Variants in ANXA10 observed in about 807,000 individuals in gnomAD.
ANXA10 encodes annexin A10, also known as annexin 14.
ANXA10 carries 49 observed loss-of-function variants against 53.5 expected under a neutral mutation model. That is an observed-to-expected ratio of 0.92 (90% confidence interval 0.73 to 1.16). The LOEUF is 1.16. ANXA10 is among the 50% of genes most tolerant of loss of function. The pLI is 0.00. For missense variants in ANXA10, 393 were observed against 394.4 expected, an observed-to-expected ratio of 1.00 and a Z score of 0.03; for synonymous variants, 131 against 128.9, an observed-to-expected ratio of 1.02 and a Z score of -0.11.
chr4:168,153,790 C>T (rs1191818847), intron 3 of ANXA10, among the ~76,000 whole-genome samples: 1 of 152,058 alleles, frequency 6.6e-6, no homozygotes, highest in Non-Finnish European at 1.5e-5. Context: ...GAAACAGACA[C>T]AAAGAAGTTA....
chr4:168,178,820 A>C (rs1371108005), intron 8 of ANXA10, among the ~76,000 whole-genome samples: 2 of 152,212 alleles, frequency 1.3e-5, no homozygotes. Context: ...CATCACAGAG[A>C]GGACTTTTAC....
At chr4:168,121,580 T>G (rs1730985804) in intron 1 of ANXA10, among the ~76,000 whole-genome samples, 1 of 152,126 alleles carries the variant, frequency 6.6e-6, no homozygotes, top group South Asian at 2.1e-4. Context: ...TCTCAAAAAT[T>G]TGATTAAAAA....
intron 1 of ANXA10, among the ~76,000 whole-genome samples, chr4:168,109,904 T>C (rs1730776517): frequency 6.6e-6 from 1 of 152,174 alleles, no homozygotes; most frequent in African/African-American, 2.4e-5. Flanking sequence ...CTCCTTACTA[T>C]AATGCATCAA....
chr4:168,096,579 G>A (rs1051591810), intron 1 of ANXA10, among the ~76,000 whole-genome samples: 9 of 152,050 alleles, frequency 5.9e-5, no homozygotes, highest in African/African-American at 2.2e-4. Flanking sequence ...TAGCGTAGTG[G>A]CTAAAGATAC....
At position 168,154,012 on chromosome 4, in the gene ANXA10, G is replaced by A. The variant is rs544068657; in HGVS notation, c.196-8516G>A. Among the ~76,000 whole-genome samples, 101 of 148,580 alleles carry A rather than the reference G, an allele frequency of 6.8e-4. 1 individual carries two copies. Among genetic ancestry groups the A allele is most frequent in the African/African-American group, 2.2e-3 (86 of 39,388 alleles). Reference sequence around the variant, plus strand: ...CACACACACACACACACGCACACACGCGCGCGCGCGTGCCTCTGAGTTGAA... The same window carrying A: ...CACACACACACACACACGCACACACACGCGCGCGCGTGCCTCTGAGTTGAA... On this transcript the variant is annotated intron_variant, in intron 3 of 11. Transcript: ENST00000359299.
intron 1 of ANXA10, among the ~76,000 whole-genome samples, chr4:168,122,468 C>T (rs1275898127): frequency 6.6e-6 from 1 of 152,140 alleles, no homozygotes; most frequent in Non-Finnish European, 1.5e-5. Context: ...GAGAGAATAC[C>T]TAGAACCGAA....
At chr4:168,092,765 T>C in intron 1 of ANXA10, 47 bp downstream of exon 1, 1 of 1,464,196 alleles carries the variant, frequency 6.8e-7, no homozygotes, top group Non-Finnish European at 9.1e-7. Context: ...CTTTTGAAAC[T>C]TGATTTATAA....
At chr4:168,153,125 G>A (rs2149474558) in intron 3 of ANXA10, among the ~76,000 whole-genome samples, 1 of 152,190 alleles carries the variant, frequency 6.6e-6, no homozygotes, top group East Asian at 1.9e-4. Flanking sequence ...ATGCACCACT[G>A]TGCCCAGCCA....
chr4:168,182,892 T>C (rs1578941858), intron 10 of ANXA10, among the ~76,000 whole-genome samples: 1 of 149,210 alleles, frequency 6.7e-6, no homozygotes, highest in Non-Finnish European at 1.5e-5. Flanking sequence ...CATCTGTAGT[T>C]CCAGCTACTC....
chr4:168,185,134 A>G (rs2149482881), intron 11 of ANXA10, among the ~76,000 whole-genome samples: 1 of 152,280 alleles, frequency 6.6e-6, no homozygotes, highest in Middle Eastern at 3.4e-3. Context: ...AGCCTGGGCA[A>G]CAGAGTGAGA....
chr4:168,124,773 A>C (rs1007779703), intron 1 of ANXA10, among the ~76,000 whole-genome samples: 3 of 152,190 alleles, frequency 2.0e-5, no homozygotes, highest in Non-Finnish European at 4.4e-5. Context: ...AGAGTACAAA[A>C]CAAATATTGA....
intron 11 of ANXA10, among the ~76,000 whole-genome samples, 157 bp downstream of exon 11, chr4:168,184,838 A>G (rs1443566575): frequency 2.0e-5 from 3 of 152,220 alleles, no homozygotes; most frequent in African/African-American, 7.2e-5. Context: ...TCTTTAGAAC[A>G]TCGGCAGGTG....
At chr4:168,137,433 C>A (rs950675225) in intron 2 of ANXA10, among the ~76,000 whole-genome samples, 1 of 152,136 alleles carries the variant, frequency 6.6e-6, no homozygotes, top group Non-Finnish European at 1.5e-5. Flanking sequence ...CCCTCTTCCA[C>A]CCTCTCACTG....
At chr4:168,137,674 C>A (rs898903449) in intron 2 of ANXA10, among the ~76,000 whole-genome samples, 1 of 152,138 alleles carries the variant, frequency 6.6e-6, no homozygotes, top group Non-Finnish European at 1.5e-5. Flanking sequence ...TTTTCTTTAT[C>A]CAATCATCTG....
chr4:168,154,639 CA>C (rs1482581481), intron 3 of ANXA10, among the ~76,000 whole-genome samples: 1 of 152,116 alleles, frequency 6.6e-6, no homozygotes, highest in Non-Finnish European at 1.5e-5. Context: ...CATTTGCATT[CA>C]AACCTTCAAC....
Position 168,115,332 on chromosome 4 carries a change from A to C in ANXA10, c.19-12752A>C, listed in dbSNP as rs949225894. Among the ~76,000 whole-genome samples, 8 of 152,264 alleles carry C rather than the reference A, an allele frequency of 5.3e-5. No homozygotes were observed. In the East Asian group the frequency reaches 1.5e-3, roughly 29 times the overall value. On this transcript the variant is annotated intron_variant, in intron 1 of 11. Coordinates refer to ENST00000359299, the MANE Select transcript of ANXA10 (RefSeq NM_007193.5). The stretch of plus-strand genomic sequence containing the variant: ...CTAAAATCTATTCCAACTCACCTCT[A>C]TTGAAAGTTCATGACAACAGATGGG...
chr4:168,140,732 C>T (rs914127942), intron 3 of ANXA10, among the ~76,000 whole-genome samples: 2 of 152,090 alleles, frequency 1.3e-5, no homozygotes, highest in Non-Finnish European at 2.9e-5. Context: ...GATGCCCCTG[C>T]CTCAGCCTCC....
In ANXA10 at chr4:168,181,756, T is replaced by C. The variant is rs1389919556; in HGVS notation, c.783+15T>C. On this transcript the variant is annotated intron_variant, in intron 10 of 11. Coordinates refer to ENST00000359299, the MANE Select transcript of ANXA10 (RefSeq NM_007193.5). ...GTGCAATTCATGTAAGTAAGACATATATTTTTAAAATTTCTCCAGAAATTG... is the reference window on the plus strand; with the variant it reads ...GTGCAATTCATGTAAGTAAGACATACATTTTTAAAATTTCTCCAGAAATTG... The C allele has an allele frequency of 6.5e-7, 1 of 1,528,344 alleles. No homozygotes were observed. The highest frequency in any genetic ancestry group is 9.0e-7 in the Non-Finnish European group (1 of 1,113,716). The allele number at this position is 1,528,344 out of a possible 1,614,324, so 94.7% of individuals were successfully genotyped here. A position where few individuals can be genotyped will look rare whatever the true frequency, so the allele number is the denominator to read the frequency against.
chr4:168,095,977 T>C (rs1730534528), intron 1 of ANXA10, among the ~76,000 whole-genome samples: 1 of 152,184 alleles, frequency 6.6e-6, no homozygotes, highest in Non-Finnish European at 1.5e-5. Context: ...AACAGCATGT[T>C]AGGCAGTGTC....
Sources: allele counts gnomAD v4.1 joint callset (sites outside exome capture counted in the v4.1 genomes callset), GRCh38; gene constraint gnomAD v4.1.1; transcripts MANE v1.5; gene names NCBI Gene and HGNC (gene_info 2026-07-23, HGNC 2026-07-21).